PTPN11: variants seen among roughly 807,000 people sequenced by gnomAD.
The protein encoded by PTPN11 is protein tyrosine phosphatase non-receptor type 11.
Under a neutral mutation model 78.8 loss-of-function variants are expected in PTPN11, and 6 were observed. The ratio of observed to expected loss-of-function variants is 0.08; its 90% CI spans 0.04 to 0.15. The LOEUF (loss-of-function observed/expected upper bound fraction) is 0.15. Ranked by LOEUF, PTPN11 falls within the 10% of genes least tolerant of loss-of-function variation. The pLI is 1.00. For missense variants in PTPN11, 386 were observed against 744.8 expected (o/e 0.52, Z 5.61); for synonymous variants, 221 against 263.5 (o/e 0.84, Z 1.56).
At chr12:112,424,998 G>GTGTGTGTT (rs2037591352) in intron 1 of PTPN11, among the ~76,000 whole-genome samples, 1 of 142,900 alleles carries the variant, frequency 7.0e-6, no homozygotes, top group Non-Finnish European at 1.5e-5. Flanking sequence ...GTGTGTGTGT[G>GTGTGTGTT]TGTGTGTGTG....
intron 3 of PTPN11, among the ~76,000 whole-genome samples, chr12:112,452,379 A>G (rs2038090978): frequency 6.6e-6 from 1 of 151,960 alleles, no homozygotes; most frequent in African/African-American, 2.4e-5. Flanking sequence ...GGCACTTGCC[A>G]CCACACCCGG....
chr12:112,473,904 A>G (rs1408520728), intron 7 of PTPN11, among the ~76,000 whole-genome samples: 1 of 150,590 alleles, frequency 6.6e-6, no homozygotes, highest in African/African-American at 2.4e-5. Flanking sequence ...GTACCTTTCA[A>G]TTTTTTTTTG....
At chr12:112,473,706 A>G (rs1278174544) in intron 7 of PTPN11, among the ~76,000 whole-genome samples, 4 of 151,214 alleles carry the variant, frequency 2.6e-5, no homozygotes, top group Non-Finnish European at 5.9e-5. Context: ...AATTAGCCAT[A>G]TGTGGTGGTG....
At chr12:112,485,277 G>A (rs992265117) in intron 10 of PTPN11, among the ~76,000 whole-genome samples, 2 of 152,082 alleles carry the variant, frequency 1.3e-5, no homozygotes, top group Non-Finnish European at 2.9e-5. Context: ...ACTTAGCTTA[G>A]ATTGTCTCTA....
At chr12:112,487,476 C>G (rs774784312) in intron 11 of PTPN11, among the ~76,000 whole-genome samples, 3 of 152,008 alleles carry the variant, frequency 2.0e-5, no homozygotes, top group Non-Finnish European at 2.9e-5. Context: ...TCCCCTAACA[C>G]TATATTTGTT....
intron 6 of PTPN11, chr12:112,457,314 G>C (rs1479284129): frequency 2.9e-6 from 1 of 341,174 alleles, no homozygotes; most frequent in Admixed American, 3.6e-5. Flanking sequence ...ATGGTTTCCA[G>C]CTTCATCCAT....
intron 15 of PTPN11, among the ~76,000 whole-genome samples, 158 bp from the exon 16 acceptor site, chr12:112,505,667 A>T (rs1242658415): frequency 6.6e-6 from 1 of 151,560 alleles, no homozygotes; most frequent in Admixed American, 6.6e-5. Flanking sequence ...AAAAAAAAAA[A>T]AAAAAAAAAA....
intron 1 of PTPN11, among the ~76,000 whole-genome samples, chr12:112,420,505 G>A (rs1164186262): frequency 5.3e-5 from 8 of 151,912 alleles, no homozygotes; most frequent in Admixed American, 4.6e-4. Context: ...CACTATGCCC[G>A]GCTAATTTTT....
At chr12:112,443,902 C>A (rs936424725) in intron 1 of PTPN11, among the ~76,000 whole-genome samples, 1 of 151,766 alleles carries the variant, frequency 6.6e-6, no homozygotes, top group African/African-American at 2.4e-5. Flanking sequence ...GATCCACCTG[C>A]CTTGGCCTCC....
At chr12:112,446,478 G>C in intron 2 of PTPN11, 80 bp downstream of exon 2, 1 of 1,600,898 alleles carries the variant, frequency 6.2e-7, no homozygotes, top group Non-Finnish European at 8.5e-7. Context: ...ATAGCTTGCT[G>C]CCTGCATTTC....
At chr12:112,450,811 T>C (rs964073241) in intron 3 of PTPN11, among the ~76,000 whole-genome samples, 1 of 152,192 alleles carries the variant, frequency 6.6e-6, no homozygotes, top group African/African-American at 2.4e-5. Flanking sequence ...CAGCAGATAA[T>C]CTTTGAGAGT....
In PTPN11 at chr12:112,489,005, C is replaced by T. The variant is rs1353025077; in HGVS notation, c.1448-19C>T. 7 of 1,612,408 alleles carry T rather than the reference C, an allele frequency of 4.3e-6. No individual in the cohort carries two copies. In the African/African-American group the frequency reaches 9.3e-5, roughly 22 times the overall value. On this transcript the variant is annotated intron_variant, in intron 12 of 15. Coordinates refer to ENST00000351677, the MANE Select transcript of PTPN11 (RefSeq NM_002834.5). The stretch of plus-strand genomic sequence containing the variant: ...GGCTCTGCAGTTTCTCTTTATTCTT[C>T]ATGATGTTTCCTTCGTAGGTGTTGA...
At chr12:112,452,933 A>C (rs1007681353) in intron 3 of PTPN11, among the ~76,000 whole-genome samples, 1 of 152,204 alleles carries the variant, frequency 6.6e-6, no homozygotes, top group African/African-American at 2.4e-5. Flanking sequence ...TTAAAAAAAA[A>C]CAGGAAAGAT....
Position 112,442,849 on chromosome 12 carries a change from T to TAA in PTPN11, c.15-3426_15-3425insAA, listed in dbSNP as rs2037921543. Among the ~76,000 whole-genome samples the TAA allele has an allele frequency of 5.8e-5, 4 of 69,180 alleles. No homozygotes were observed. The South Asian group carries it at 2.1e-3, about 37-fold the overall frequency. The allele number at this position is 69,180 out of a possible 152,430, so 45.4% of individuals were successfully genotyped here. ...CTCTTTTTATATATATATATATATA[T>TAA]ATATATATATATATATATATATATA... On this transcript the variant is annotated intron_variant, in intron 1 of 15. Transcript: ENST00000351677.
intron 1 of PTPN11, among the ~76,000 whole-genome samples, chr12:112,438,462 T>C (rs2037829511): frequency 6.6e-6 from 1 of 151,844 alleles, no homozygotes; most frequent in Non-Finnish European, 1.5e-5. Flanking sequence ...TAGCTGGGAC[T>C]ACAGGAGCAC....
chr12:112,444,832 G>A (rs2037965529), intron 1 of PTPN11, among the ~76,000 whole-genome samples: 1 of 152,084 alleles, frequency 6.6e-6, no homozygotes, highest in Non-Finnish European at 1.5e-5. Flanking sequence ...GCTCCTTGTT[G>A]GAACTCTTAC....
At chr12:112,427,542 T>C (rs1328290385) in intron 1 of PTPN11, among the ~76,000 whole-genome samples, 1 of 149,926 alleles carries the variant, frequency 6.7e-6, no homozygotes, top group Non-Finnish European at 1.5e-5. Flanking sequence ...CGAGACTCTG[T>C]CTCAAAAAAA....
At chr12:112,463,667 A>G (rs2038283231) in intron 6 of PTPN11, among the ~76,000 whole-genome samples, 1 of 152,176 alleles carries the variant, frequency 6.6e-6, no homozygotes, top group Admixed American at 6.5e-5. Context: ...TAACAACAAA[A>G]GGGAAAAATT....
chr12:112,425,627 G>A (rs2037604919), intron 1 of PTPN11, among the ~76,000 whole-genome samples: 2 of 152,266 alleles, frequency 1.3e-5, no homozygotes, highest in South Asian at 2.1e-4. Flanking sequence ...GGCTTTTAGT[G>A]TAACCAGCAC....
Sources: allele counts gnomAD v4.1 joint callset (sites outside exome capture counted in the v4.1 genomes callset), GRCh38; gene constraint gnomAD v4.1.1; transcripts MANE v1.5; gene names NCBI Gene and HGNC (gene_info 2026-07-23, HGNC 2026-07-21).